Variants in ZFHX3 observed in about 807,000 individuals in gnomAD.
ZFHX3 encodes zinc finger homeobox 3, also known as zinc finger homeobox protein 3.
A neutral mutation model predicts 279.1 loss-of-function variants in ZFHX3; 42 were observed. That is an observed-to-expected ratio of 0.15 (90% CI 0.12 to 0.19). The LOEUF (loss-of-function observed/expected upper bound fraction) is 0.19, where lower values mean the gene tolerates loss of function less well. Ranked by LOEUF, ZFHX3 falls within the 10% of genes least tolerant of loss-of-function variation. ZFHX3 has a pLI of 1.00. For synonymous variants in ZFHX3, 2,293 were observed against 1,957.8 expected, an observed-to-expected ratio of 1.17 and a Z score of -4.52; for missense variants, 4,981 against 4,754.0, an observed-to-expected ratio of 1.05 and a Z score of -1.40.
chr16:72,834,383 C>T (rs756672765), intron 4 of ZFHX3, among the ~76,000 whole-genome samples: 1 of 152,130 alleles, frequency 6.6e-6, no homozygotes, highest in African/African-American at 2.4e-5. Context: ...AGTGCAGAGC[C>T]CTGAAGTGCA....
chr16:73,811,519 A>C (rs1053646605), intron 1 of ZFHX3, among the ~76,000 whole-genome samples: 1 of 138,816 alleles, frequency 7.2e-6, no homozygotes, highest in Non-Finnish European at 1.5e-5. Context: ...ATCTCAGCTC[A>C]CTGTAACCTC....
At chr16:73,351,032 G>T (rs913033260) in intron 3 of ZFHX3, among the ~76,000 whole-genome samples, 2 of 152,204 alleles carry the variant, frequency 1.3e-5, no homozygotes, top group African/African-American at 4.8e-5. Context: ...ATAAGAAAGG[G>T]AAGTGACACT....
At chr16:73,647,458 G>A (rs1197226346) in intron 2 of ZFHX3, among the ~76,000 whole-genome samples, 2 of 152,080 alleles carry the variant, frequency 1.3e-5, no homozygotes, top group South Asian at 2.1e-4. Context: ...AAAGTATGCG[G>A]CACTTACCGC....
chr16:73,247,159 G>C (rs772225520), intron 5 of ZFHX3, among the ~76,000 whole-genome samples: 1 of 150,862 alleles, frequency 6.6e-6, no homozygotes, highest in Non-Finnish European at 1.5e-5. Context: ...TATATAATGT[G>C]TCTGTGTGTC....
At chr16:73,370,901 A>G (rs2016617053) in intron 3 of ZFHX3, among the ~76,000 whole-genome samples, 1 of 152,114 alleles carries the variant, frequency 6.6e-6, no homozygotes, top group Non-Finnish European at 1.5e-5. Context: ...ACAATCTGTG[A>G]TGGATGTATG....
chr16:73,212,799 C>G (rs73597323), intron 5 of ZFHX3, among the ~76,000 whole-genome samples: 1 of 152,204 alleles, frequency 6.6e-6, no homozygotes, highest in South Asian at 2.1e-4. Flanking sequence ...GCCCAGCAGA[C>G]TTTGAGTCTC....
intron 7 of ZFHX3, among the ~76,000 whole-genome samples, chr16:73,098,314 C>T (rs529794652): frequency 1.1e-4 from 17 of 152,128 alleles, no homozygotes; most frequent in African/African-American, 3.1e-4. Flanking sequence ...GTGATCCACC[C>T]GTCACAGCCT....
chr16:73,837,877 C>A (rs550144612), intron 1 of ZFHX3, among the ~76,000 whole-genome samples: 1 of 152,146 alleles, frequency 6.6e-6, no homozygotes, highest in Non-Finnish European at 1.5e-5. Context: ...CTCAGGTGAT[C>A]CACCCACCTC....
At position 72,787,952 on chromosome 16, in the gene ZFHX3, G is replaced by C; in HGVS notation, c.10324C>G (p.Pro3442Ala). 6.2e-7 allele frequency: 1 copy of C among 1,613,864 alleles called. No individual in the cohort carries two copies. The highest frequency in any genetic ancestry group is 8.5e-7 in the Non-Finnish European group (1 of 1,179,994). ...SPLLPKLPEE[P>A]EAESKSADSL... The stretch of plus-strand genomic sequence containing the variant: ...TCCGCACTTTTGCTTTCTGCTTCTG[G>C]CTCTTCAGGGAGTTTCGGCAGGAGG... Residue 3442 changes from proline to alanine, a missense_variant, in exon 10 of 10, where the codon CCA (proline) becomes GCA (alanine). Around this residue, in one of 7 missense-constraint regions of ZFHX3, gnomAD observed 1,034 missense variants for 786.0 expected, o/e 1.32. Coordinates refer to ENST00000268489, the MANE Select transcript of ZFHX3 (RefSeq NM_006885.4).
intron 5 of ZFHX3, among the ~76,000 whole-genome samples, chr16:73,239,058 G>C (rs117874076): frequency 2.0e-3 from 298 of 152,226 alleles, no homozygotes; most frequent in Non-Finnish European, 3.5e-3. Flanking sequence ...GGCAGAGACC[G>C]TGCCCTTCAT....
intron 3 of ZFHX3, among the ~76,000 whole-genome samples, chr16:73,382,622 C>A (rs999504191): frequency 6.7e-6 from 1 of 148,648 alleles, no homozygotes; most frequent in Admixed American, 6.6e-5. Context: ...GCAGACTACC[C>A]CACTTGCCCC....
chr16:73,525,363 T>C (rs754106443), intron 2 of ZFHX3, among the ~76,000 whole-genome samples: 8 of 152,202 alleles, frequency 5.3e-5, no homozygotes, highest in Non-Finnish European at 1.2e-4. Flanking sequence ...GGACGCGATT[T>C]GTTTGCTGGA....
intron 1 of ZFHX3, among the ~76,000 whole-genome samples, chr16:73,024,069 C>T (rs1367372252): frequency 6.6e-6 from 1 of 152,198 alleles, no homozygotes; most frequent in Non-Finnish European, 1.5e-5. Context: ...ACAGCAGAGA[C>T]AGAGGCTGCC....
intron 1 of ZFHX3, among the ~76,000 whole-genome samples, chr16:73,838,615 G>T (rs1180153750): frequency 6.6e-6 from 1 of 152,074 alleles, no homozygotes; most frequent in Non-Finnish European, 1.5e-5. Flanking sequence ...TGGGAGTCAG[G>T]TATCAACAGG....
chr16:72,958,856 G>A lies in ZFHX3; in HGVS notation c.1290C>T (p.Ser430=). The A allele has an allele frequency of 6.2e-7, 1 of 1,613,732 alleles. No individual in the cohort carries two copies. Among genetic ancestry groups the A allele is most frequent in the Non-Finnish European group, 8.5e-7 (1 of 1,179,812 alleles). Residue 430 remains serine, a synonymous_variant, in exon 2 of 10, where the codon TCC becomes TCT. Transcript: ENST00000268489. The part of the protein sequence containing the change: ...LGPLASSPTK[S]SEGKDSGAAE... Reference sequence around the variant, plus strand: ...CCGCCCCAGAGTCCTTGCCCTCTGAGGATTTGGTAGGACTGGAAGCCAGAG... The same window carrying A: ...CCGCCCCAGAGTCCTTGCCCTCTGAAGATTTGGTAGGACTGGAAGCCAGAG...
At position 72,864,666 on chromosome 16, in the gene ZFHX3, G is replaced by T. The variant is rs145557265; in HGVS notation, c.3448+25065C>A. ...CCTCTCAGGTGGCCCACACTCTTGG[G>T]CCTCACTGCATGGCCACCCATGTTA... On this transcript the variant is annotated intron_variant, in intron 4 of 9. Coordinates refer to ENST00000268489, the MANE Select transcript of ZFHX3 (RefSeq NM_006885.4). 7.2e-4 allele frequency among the ~76,000 whole-genome samples: 110 copies of T among 152,250 alleles called. No individual in the cohort carries two copies. The East Asian group carries it at 0.018, about 25-fold the overall frequency.
chr16:72,925,958 G>GGCC (rs1474804695), intron 3 of ZFHX3, among the ~76,000 whole-genome samples: 1 of 152,210 alleles, frequency 6.6e-6, no homozygotes, highest in Admixed American at 6.5e-5. Context: ...ACGAAAGCAT[G>GGCC]TTCCCAAGAG....
At chr16:72,921,067 G>GT (rs2039570143) in intron 3 of ZFHX3, among the ~76,000 whole-genome samples, 1 of 48,444 alleles carries the variant, frequency 2.1e-5, no homozygotes, top group Non-Finnish European at 3.2e-5. Context: ...GCCAGACCTT[G>GT]TCAAAAAAAA....
Position 72,797,911 on chromosome 16 carries a change from G to T in ZFHX3, c.4771C>A (p.Pro1591Thr), listed in dbSNP as rs771447652. ...TTACACTTAAAAGGTTTGTTGTCTG[G>T]GCTGCTGGTGGGTTCTGGCTGACCG... ...ATGQPEPTSS[P>T]DNKPFKCNTC... Residue 1591 changes from proline to threonine, a missense_variant, in exon 9 of 10, where the codon CCA (proline) becomes ACA (threonine). Transcript: ENST00000268489. The T allele has an allele frequency of 1.2e-6, 2 of 1,614,186 alleles. No homozygotes were observed. Among genetic ancestry groups the T allele is most frequent in the South Asian group, 2.2e-5 (2 of 91,070 alleles).
Sources: gnomAD v4.1 joint callset for allele counts (sites outside exome capture counted in the v4.1 genomes callset) on GRCh38, gnomAD v4.1.1 for gene constraint, gnomAD v4.1.1 regional missense constraint, MANE v1.5 for transcripts, NCBI Gene and HGNC (gene_info 2026-07-23, HGNC 2026-07-21) for gene names.